SSH2: variants seen among roughly 807,000 people sequenced by gnomAD.
The protein encoded by SSH2 is protein phosphatase Slingshot homolog 2.
SSH2 carries 37 observed loss-of-function variants against 135.2 expected under a neutral mutation model. The observed-to-expected ratio is 0.27, with a 90% confidence interval of 0.21 to 0.36. The LOEUF is 0.36. Among genes scored for constraint, SSH2 ranks in the 10% least tolerant of loss-of-function variants. The probability of loss-of-function intolerance (pLI) is 1.00; values close to 1 mark genes in which losing one functional copy is unlikely to be tolerated. For synonymous variants in SSH2, 628 were observed against 646.2 expected, an observed-to-expected ratio of 0.97 and a Z score of 0.43; for missense variants, 1,408 against 1,765.3, an observed-to-expected ratio of 0.80 and a Z score of 3.63.
At position 29,864,034 on chromosome 17, in the gene SSH2, G is replaced by A. The variant is rs954033971; in HGVS notation, c.64-15105C>T. 3.3e-5 allele frequency: 5 copies of A among 152,140 alleles called. No homozygotes were observed. The South Asian group carries it at 1.0e-3, about 32-fold the overall frequency. The allele number at this position is 152,140 out of a possible 1,614,324, so 9.4% of individuals were successfully genotyped here. On this transcript the variant is annotated intron_variant, in intron 1 of 15. Transcript: ENST00000540801. ...CTCATTCAATACTAGGCTGGGCGCG[G>A]TGGCTCACGCCTGTACCCCTGCACT...
At chr17:29,884,969 A>T (rs1381645200) in intron 1 of SSH2, among the ~76,000 whole-genome samples, 1 of 152,200 alleles carries the variant, frequency 6.6e-6, no homozygotes, top group Admixed American at 6.5e-5. Context: ...GGATGCTTGT[A>T]AAGATGCATA....
intron 13 of SSH2, 37 bp from the exon 14 acceptor site, chr17:29,648,381 T>C (rs778074703): frequency 1.2e-5 from 18 of 1,517,716 alleles, no homozygotes; most frequent in Non-Finnish European, 1.6e-5. Context: ...TAGAGGAAAA[T>C]ACAATAGTGG....
intron 4 of SSH2, among the ~76,000 whole-genome samples, chr17:29,697,235 C>A (rs2038795505): frequency 6.6e-6 from 1 of 152,186 alleles, no homozygotes; most frequent in Non-Finnish European, 1.5e-5. Flanking sequence ...AAAAAAACCT[C>A]ATTCTTGCCC....
In SSH2 at chr17:29,849,654, T is replaced by G. The variant is rs1038813920; in HGVS notation, c.64-725A>C. 7.3e-5 allele frequency among the ~76,000 whole-genome samples: 11 copies of G among 151,300 alleles called. 1 individual carries two copies. Among genetic ancestry groups the G allele is most frequent in the Admixed American group, 7.3e-4 (11 of 15,158 alleles). On this transcript the variant is annotated intron_variant, in intron 1 of 15. Transcript: ENST00000540801. ...TATAGCATAGGGCCTGATTACGGGATCTAACTCTTAGCCTAGCCTCATTAG... is the reference window on the plus strand; with the variant it reads ...TATAGCATAGGGCCTGATTACGGGAGCTAACTCTTAGCCTAGCCTCATTAG...
intron 5 of SSH2, among the ~76,000 whole-genome samples, chr17:29,692,014 C>T (rs2038502668): frequency 6.6e-6 from 1 of 151,472 alleles, no homozygotes; most frequent in South Asian, 2.1e-4. Context: ...GTGGCATGGG[C>T]CTGTAATCCC....
chr17:29,786,008 G>A (rs2041956311), intron 3 of SSH2, among the ~76,000 whole-genome samples: 1 of 151,862 alleles, frequency 6.6e-6, no homozygotes, highest in South Asian at 2.1e-4. Flanking sequence ...GTTTCACCGT[G>A]TCAGCCAGGA....
chr17:29,870,703 A>G (rs1599120378), intron 1 of SSH2, among the ~76,000 whole-genome samples: 1 of 152,192 alleles, frequency 6.6e-6, no homozygotes, highest in Non-Finnish European at 1.5e-5. Flanking sequence ...GATCTGGAAT[A>G]CTGATACCAT....
At chr17:29,859,464 G>T (rs2065722500) in intron 1 of SSH2, among the ~76,000 whole-genome samples, 1 of 151,856 alleles carries the variant, frequency 6.6e-6, no homozygotes, top group Non-Finnish European at 1.5e-5. Flanking sequence ...CCACTCTCTG[G>T]TAGGCCCTGG....
chr17:29,750,476 T>TA (rs1176753014), intron 3 of SSH2, among the ~76,000 whole-genome samples: 2 of 150,048 alleles, frequency 1.3e-5, no homozygotes, highest in African/African-American at 4.9e-5. Context: ...TAAATAAAAA[T>TA]AAAAAACAGA....
chr17:29,713,568 G>A (rs1411656776), intron 3 of SSH2, among the ~76,000 whole-genome samples: 1 of 152,138 alleles, frequency 6.6e-6, no homozygotes, highest in Non-Finnish European at 1.5e-5. Context: ...CTAAATGGAA[G>A]TAGTTGGGCC....
At chr17:29,879,373 GTTT>G (rs5819875) in intron 1 of SSH2, among the ~76,000 whole-genome samples, 1 of 136,014 alleles carries the variant, frequency 7.4e-6, no homozygotes, top group Non-Finnish European at 1.6e-5. Context: ...GCTTTCTGCT[GTTT>G]TTTTTTTTTT....
At chr17:29,929,551 T>G (rs1044240566) in intron 1 of SSH2, among the ~76,000 whole-genome samples, 3 of 151,728 alleles carry the variant, frequency 2.0e-5, no homozygotes, top group African/African-American at 7.3e-5. Context: ...GGGTAAGAGA[T>G]GTGGGTGTGG....
chr17:29,784,065 C>CAAAAAAAAAA (rs71138857), intron 3 of SSH2, among the ~76,000 whole-genome samples: 3 of 8,234 alleles, frequency 3.6e-4, no homozygotes, highest in Non-Finnish European at 7.5e-4. Context: ...GACTCCGTCT[C>CAAAAAAAAAA]AAAAAAAAAA....
At chr17:29,783,320 A>T (rs1014880695) in intron 3 of SSH2, among the ~76,000 whole-genome samples, 27 of 142,034 alleles carry the variant, frequency 1.9e-4, no homozygotes, top group Middle Eastern at 3.7e-3. Context: ...AACATATATT[A>T]TATATATATA....
intron 3 of SSH2, among the ~76,000 whole-genome samples, chr17:29,711,592 A>T (rs532779576): frequency 1.4e-4 from 21 of 152,324 alleles, no homozygotes; most frequent in African/African-American, 4.6e-4. Flanking sequence ...GCTGTTCAGC[A>T]ATAGATTTAT....
chr17:29,666,975 C>T lies in SSH2; in HGVS notation c.924G>A (p.Met308Ile). 1 of 1,614,116 alleles carries T rather than the reference C, an allele frequency of 6.2e-7. No individual in the cohort carries two copies. The highest frequency in any genetic ancestry group is 8.5e-7 in the Non-Finnish European group (1 of 1,180,014). ...TSKEIRTELE[M>I]QMVCNLREFK... is the part of the protein sequence containing the mutation. ...ATTCCCGCAAGTTGCACACCATTTG[C>T]ATTTCCAACTCTGTTCTTATCTGAA... The change falls in exon 11 of 16, where the codon ATG becomes ATA. Residue 308 changes from methionine to isoleucine, a missense_variant. Met to Ile is a conservative substitution (Grantham distance 10, BLOSUM62 1). This residue lies in a region of SSH2 where 106 missense variants were observed against 265.2 expected (regional missense o/e 0.40). Coordinates refer to ENST00000540801, the MANE Select transcript of SSH2 (RefSeq NM_001282129.2).
chr17:29,778,835 CAAAAAAAAAAAAA>C lies in SSH2; in HGVS notation c.188+15046_188+15058del, dbSNP rs60595591. ...GGTGACAGAGTGAGCCTCCGTCTCCCAAAAAAAAAAAAAAAAAAAAAAAAAAAAAAGTAAGTCA... is the reference window on the plus strand; with the variant it reads ...GGTGACAGAGTGAGCCTCCGTCTCCCAAAAAAAAAAAAAAAAAGTAAGTCA... On this transcript the variant is annotated intron_variant, in intron 3 of 15. Coordinates refer to ENST00000540801, the MANE Select transcript of SSH2 (RefSeq NM_001282129.2). 4.0e-3 allele frequency among the ~76,000 whole-genome samples: 150 copies of C among 37,864 alleles called. 7 individuals carry two copies. In the South Asian group the frequency reaches 0.15, roughly 37 times the overall value. The allele number at this position is 37,864 out of a possible 152,430, so 24.8% of individuals were successfully genotyped here.
chr17:29,664,095 A>T (rs2037168931), intron 11 of SSH2, among the ~76,000 whole-genome samples: 1 of 152,210 alleles, frequency 6.6e-6, no homozygotes, highest in Non-Finnish European at 1.5e-5. Context: ...AGTAAAAAAG[A>T]TTGGGGCTGG....
At chr17:29,818,579 C>A (rs1368403219) in intron 2 of SSH2, among the ~76,000 whole-genome samples, 1 of 151,936 alleles carries the variant, frequency 6.6e-6, no homozygotes, top group Admixed American at 6.6e-5. Context: ...TAGATCTGCC[C>A]CCTCCCCAAA....
Sources: gnomAD v4.1 joint callset for allele counts (sites outside exome capture counted in the v4.1 genomes callset) on GRCh38, gnomAD v4.1.1 for gene constraint, gnomAD v4.1.1 regional missense constraint, MANE v1.5 for transcripts, NCBI Gene and HGNC (gene_info 2026-07-23, HGNC 2026-07-21) for gene names.